SMYD3: variants seen among roughly 807,000 people sequenced by gnomAD.
SMYD3 encodes histone-lysine N-methyltransferase SMYD3.
Under a neutral mutation model 57.7 loss-of-function variants are expected in SMYD3, and 36 were observed. The ratio of observed to expected loss-of-function variants is 0.62; its 90% confidence interval spans 0.48 to 0.82. The LOEUF is 0.82. Ranked by LOEUF, SMYD3 falls within the 40% of genes least tolerant of loss-of-function variation. The pLI is 0.00. For synonymous variants in SMYD3, 211 were observed against 195.0 expected (o/e 1.08, Z -0.68); for missense variants, 515 against 538.8 (o/e 0.96, Z 0.44).
chr1:246,327,023 C>A, intron 5 of SMYD3, 178 bp downstream of exon 5: 3 of 669,758 alleles, frequency 4.5e-6, no homozygotes, highest in East Asian at 2.9e-5. Context: ...AAATTCATAC[C>A]CTTCTCAATG....
At chr1:245,907,534 G>A (rs1241824443) in intron 8 of SMYD3, among the ~76,000 whole-genome samples, 1 of 152,078 alleles carries the variant, frequency 6.6e-6, no homozygotes, top group Non-Finnish European at 1.5e-5. Context: ...CCAAAGTAGA[G>A]AACTCACTGA....
rs558262421 is a variant in SMYD3, at chr1:246,423,103, T to C, written c.165-68009A>G. 3.3e-5 allele frequency among the ~76,000 whole-genome samples: 5 copies of C among 151,722 alleles called. No homozygotes were observed. The East Asian group carries it at 7.8e-4, about 24-fold the overall frequency. On this transcript the variant is annotated intron_variant, in intron 1 of 11. Coordinates refer to ENST00000490107, the MANE Select transcript of SMYD3 (RefSeq NM_001167740.2). The stretch of plus-strand genomic sequence containing the variant: ...CATGAGGTCAGGAGTTCGAGACCAG[T>C]CTGACCAACATGGTGAAACCCTGTC...
At chr1:246,408,565 A>G (rs1261369187) in intron 1 of SMYD3, among the ~76,000 whole-genome samples, 1 of 152,024 alleles carries the variant, frequency 6.6e-6, no homozygotes, top group Non-Finnish European at 1.5e-5. Flanking sequence ...ACTGATAAGT[A>G]ATGAGAATTA....
intron 1 of SMYD3, among the ~76,000 whole-genome samples, chr1:246,462,839 T>C (rs956516181): frequency 6.6e-6 from 1 of 151,876 alleles, no homozygotes; most frequent in African/African-American, 2.4e-5. Flanking sequence ...AATTTGCTGG[T>C]AAACAAAGCA....
At chr1:246,167,338 A>G (rs980614384) in intron 5 of SMYD3, among the ~76,000 whole-genome samples, 18 of 152,130 alleles carry the variant, frequency 1.2e-4, no homozygotes, top group African/African-American at 4.3e-4. Context: ...CTTTTTAAGG[A>G]AGTGGATTCC....
intron 5 of SMYD3, among the ~76,000 whole-genome samples, chr1:246,157,202 C>G (rs977312966): frequency 6.6e-6 from 1 of 152,124 alleles, no homozygotes; most frequent in Admixed American, 6.5e-5. Flanking sequence ...ACTGCTTGGC[C>G]TCTGTTTGTA....
At chr1:245,908,786 T>C (rs1482501917) in intron 8 of SMYD3, among the ~76,000 whole-genome samples, 1 of 152,104 alleles carries the variant, frequency 6.6e-6, no homozygotes, top group East Asian at 1.9e-4. Flanking sequence ...ACATACAACA[T>C]ATCAAAATGT....
chr1:246,449,013 A>G (rs1015890310), intron 1 of SMYD3, among the ~76,000 whole-genome samples: 1 of 152,122 alleles, frequency 6.6e-6, no homozygotes, highest in African/African-American at 2.4e-5. Flanking sequence ...AGATCACTTG[A>G]GCCCAGGACT....
intron 5 of SMYD3, among the ~76,000 whole-genome samples, chr1:246,122,677 C>T (rs1275054869): frequency 6.6e-6 from 1 of 152,176 alleles, no homozygotes; most frequent in Non-Finnish European, 1.5e-5. Flanking sequence ...TCATTTAACT[C>T]TTAGCTGGAC....
At chr1:246,181,408 C>T (rs2062549468) in intron 5 of SMYD3, among the ~76,000 whole-genome samples, 1 of 152,160 alleles carries the variant, frequency 6.6e-6, no homozygotes, top group Non-Finnish European at 1.5e-5. Context: ...GCATTTCAGG[C>T]TGTCAGCTGA....
At chr1:246,439,699 G>A (rs2067434027) in intron 1 of SMYD3, among the ~76,000 whole-genome samples, 1 of 151,112 alleles carries the variant, frequency 6.6e-6, no homozygotes, top group East Asian at 2.0e-4. Context: ...GAAGTACTAA[G>A]TACTCTGGTA....
intron 5 of SMYD3, among the ~76,000 whole-genome samples, chr1:246,325,590 A>G (rs1037801154): frequency 4.6e-5 from 7 of 152,162 alleles, no homozygotes; most frequent in Non-Finnish European, 7.4e-5. Flanking sequence ...TTTTCCCCCT[A>G]TACAACATGG....
intron 1 of SMYD3, among the ~76,000 whole-genome samples, chr1:246,415,509 G>A (rs372325869): frequency 2.0e-5 from 3 of 152,222 alleles, no homozygotes; most frequent in East Asian, 3.9e-4. Context: ...AATAGTCCCA[G>A]GTCATAAAGC....
rs573987282 is a variant in SMYD3 at position 246,506,124 on chromosome 1, G to A, written c.164+930C>T. Among the ~76,000 whole-genome samples, 5 of 152,252 alleles carry A rather than the reference G, an allele frequency of 3.3e-5. No homozygotes were observed. The South Asian group carries it at 1.0e-3, about 32-fold the overall frequency. On this transcript the variant is annotated intron_variant, in intron 1 of 11. Coordinates refer to ENST00000490107, the MANE Select transcript of SMYD3 (RefSeq NM_001167740.2). ...CCTCCACCCACCTAAATCTCAGACT[G>A]GCAGGTCTGAAAAGCGGCCATGCAC... is the stretch of plus-strand genomic sequence containing the variant.
intron 5 of SMYD3, among the ~76,000 whole-genome samples, chr1:246,039,539 G>A (rs1282782554): frequency 6.6e-6 from 1 of 152,198 alleles, no homozygotes; most frequent in African/African-American, 2.4e-5. Context: ...ATGTGGGATT[G>A]CTGTATCCCT....
intron 5 of SMYD3, among the ~76,000 whole-genome samples, chr1:246,031,652 G>A (rs2059677322): frequency 1.3e-5 from 2 of 151,258 alleles, no homozygotes; most frequent in South Asian, 2.1e-4. Context: ...CAGGAGAATC[G>A]CTTGAACCAG....
At chr1:245,774,335 GAAGGA>G (rs1313434957) in intron 10 of SMYD3, among the ~76,000 whole-genome samples, 1 of 152,190 alleles carries the variant, frequency 6.6e-6, no homozygotes, top group Non-Finnish European at 1.5e-5. Flanking sequence ...GCCGGTAACA[GAAGGA>G]AACAGATTAC....
At chr1:245,930,360 C>T in intron 5 of SMYD3, 1 of 346,554 alleles carries the variant, frequency 2.9e-6, no homozygotes, top group Non-Finnish European at 5.6e-6. Context: ...TGTATCTGTT[C>T]AGTGATAGCA....
intron 10 of SMYD3, among the ~76,000 whole-genome samples, chr1:245,774,176 C>T (rs140456381): frequency 1.3e-5 from 2 of 152,324 alleles, no homozygotes; most frequent in Admixed American, 1.3e-4. Flanking sequence ...AATAGCTGAA[C>T]TGCTGGTCTG....
Sources: gnomAD v4.1 joint callset for allele counts (sites outside exome capture counted in the v4.1 genomes callset) on GRCh38, gnomAD v4.1.1 for gene constraint, MANE v1.5 for transcripts, NCBI Gene and HGNC (gene_info 2026-07-23, HGNC 2026-07-21) for gene names.